Variants in CPNE9 observed in about 807,000 individuals in gnomAD.
CPNE9 encodes the protein copine family member 9, also known as copine-9.
In CPNE9, 59 loss-of-function variants were observed where a neutral mutation model predicts 83.0. That is an observed-to-expected ratio of 0.71 (90% CI 0.58 to 0.88). CPNE9 has a LOEUF of 0.88. CPNE9 is among the 40% of genes least tolerant of loss of function. The probability of loss-of-function intolerance (pLI) is 0.00; values close to 1 mark genes in which losing one functional copy is unlikely to be tolerated. For synonymous variants in CPNE9, 256 were observed against 273.4 expected, an observed-to-expected ratio of 0.94 and a Z score of 0.63; for missense variants, 619 against 720.8, an observed-to-expected ratio of 0.86 and a Z score of 1.62.
In CPNE9 at chr3:9,703,862, C is replaced by T. The variant is rs904844560; in HGVS notation, c.-135C>T. 23 of 571,018 alleles carry T rather than the reference C, an allele frequency of 4.0e-5. No homozygotes were observed. The highest frequency in any genetic ancestry group is 3.4e-4 in the African/African-American group (17 of 49,934). The allele number at this position is 571,018 out of a possible 1,614,324, so 35.4% of individuals were successfully genotyped here. Reference sequence around the variant, plus strand: ...TCAGGGCGCGAGCGGCTGGAGCGCACGCAGGGCTGGAGCGAGTGCAGCCGC... The same window carrying T: ...TCAGGGCGCGAGCGGCTGGAGCGCATGCAGGGCTGGAGCGAGTGCAGCCGC... On this transcript the variant is annotated 5_prime_UTR_variant, in exon 1 of 21. The change creates a new upstream start codon in the 5' untranslated region. Transcript: ENST00000383832.
At chr3:9,705,682 C>T (rs1220045999) in intron 5 of CPNE9, 36 bp from the exon 6 acceptor site, 2 of 1,613,836 alleles carry the variant, frequency 1.2e-6, no homozygotes, top group South Asian at 1.1e-5. Context: ...CTCACTGTTC[C>T]TCTTCCTTCT....
rs1008085287 is a variant in CPNE9 at position 9,704,474 on chromosome 3, G to A, written c.69-113G>A. Reference sequence around the variant, plus strand: ...GACCCCGGCTGGGGGTAGCCATGGGGGACAGAGGTTCGATGCGGGCCCCAT... The same window carrying A: ...GACCCCGGCTGGGGGTAGCCATGGGAGACAGAGGTTCGATGCGGGCCCCAT... On this transcript the variant is annotated intron_variant, in intron 1 of 20. Transcript: ENST00000383832. This position sits in a 1 kb window ranked among gnomAD's most constrained non-coding sequence, Gnocchi z 7.1. 2.2e-6 allele frequency: 2 copies of A among 907,160 alleles called. No homozygotes were observed. Among genetic ancestry groups the A allele is most frequent in the Non-Finnish European group, 3.7e-6 (2 of 536,670 alleles). 56.2% of individuals were successfully genotyped at this position (907,160 alleles called of 1,614,324 possible). A position where few individuals can be genotyped will look rare whatever the true frequency, so the allele number is the denominator to read the frequency against.
rs1372862042 is a variant in CPNE9 at position 9,705,776 on chromosome 3, C to G, written c.300+56C>G. ...GGGGTGGGGGTGGTATTGTGGAGAACAGGCTTGGACTGATGACCCACTACA... is the reference window on the plus strand; with the variant it reads ...GGGGTGGGGGTGGTATTGTGGAGAAGAGGCTTGGACTGATGACCCACTACA... On this transcript the variant is annotated intron_variant, in intron 6 of 20. Coordinates refer to ENST00000383832, the MANE Select transcript of CPNE9 (RefSeq NM_153635.3). 5 of 1,579,016 alleles carry G rather than the reference C, an allele frequency of 3.2e-6. No individual in the cohort carries two copies. The African/African-American group carries it at 6.7e-5, about 21-fold the overall frequency.
chr3:9,716,631 C>T (rs1036746485), intron 14 of CPNE9, among the ~76,000 whole-genome samples: 10 of 152,112 alleles, frequency 6.6e-5, no homozygotes, highest in African/African-American at 1.4e-4. Context: ...CCACCACGCC[C>T]GGCTAATTTT....
At chr3:9,709,580 G>A (rs1438136212) in intron 7 of CPNE9, among the ~76,000 whole-genome samples, 1 of 151,494 alleles carries the variant, frequency 6.6e-6, no homozygotes, top group Non-Finnish European at 1.5e-5. Flanking sequence ...ACCGTGGCCA[G>A]GCTGGTCTTG....
intron 17 of CPNE9, among the ~76,000 whole-genome samples, chr3:9,725,623 T>C (rs2076771363): frequency 2.0e-5 from 2 of 100,580 alleles, no homozygotes; most frequent in South Asian, 5.4e-4. Flanking sequence ...TACATGTGTA[T>C]ATATATGTAT....
chr3:9,708,624 G>A (rs886685224), intron 7 of CPNE9, among the ~76,000 whole-genome samples: 20 of 152,138 alleles, frequency 1.3e-4, no homozygotes, highest in Non-Finnish European at 2.8e-4. Flanking sequence ...ATGGAAGAGC[G>A]GGAAAGGAGT....
chr3:9,728,660 A>G (rs1160642479), intron 20 of CPNE9, among the ~76,000 whole-genome samples: 1 of 152,134 alleles, frequency 6.6e-6, no homozygotes, highest in Non-Finnish European at 1.5e-5. Flanking sequence ...ATAAAACATA[A>G]TTTTTTGAAA....
At chr3:9,716,137 C>A in intron 14 of CPNE9, 102 bp downstream of exon 14, 2 of 997,578 alleles carry the variant, frequency 2.0e-6, no homozygotes, top group Non-Finnish European at 3.0e-6. Context: ...CCCAGTGAGA[C>A]CATGGAGATA....
chr3:9,712,685 A>G (rs2125464892), intron 8 of CPNE9, 40 bp from the exon 9 acceptor site: 1 of 1,607,802 alleles, frequency 6.2e-7, no homozygotes, highest in East Asian at 2.2e-5. Context: ...AAGGCTATGG[A>G]CAATTGGGGT....
chr3:9,712,766 G>C lies in CPNE9; in HGVS notation c.483G>C (p.Lys161Asn). 6.2e-7 allele frequency: 1 copy of C among 1,614,172 alleles called. No homozygotes were observed. The highest frequency in any genetic ancestry group is 8.5e-7 in the Non-Finnish European group (1 of 1,180,028). ...AGCTGTGTGCAAACAAGCTGGACAA[G>C]AAGGACTTCTTTGGGAAATCAGACC... ...TMQLCANKLDKKDFFGKSDPF... is the reference protein window; with the variant it reads ...TMQLCANKLDNKDFFGKSDPF... The change falls in exon 9 of 21, where the codon AAG (lysine) becomes AAC (asparagine). Residue 161 changes from lysine (K) to asparagine (N), a missense_variant. Lys to Asn is a moderately conservative substitution (Grantham distance 94). This residue lies in a region of CPNE9 where 438 missense variants were observed against 562.9 expected (regional missense o/e 0.78). Coordinates refer to ENST00000383832, the MANE Select transcript of CPNE9 (RefSeq NM_153635.3).
intron 7 of CPNE9, among the ~76,000 whole-genome samples, chr3:9,712,319 C>T (rs551895749): frequency 6.6e-6 from 1 of 152,318 alleles, no homozygotes; most frequent in East Asian, 1.9e-4. Context: ...TCTCATGCTA[C>T]TGTTGTGAGA....
intron 5 of CPNE9, 29 bp downstream of exon 5, chr3:9,705,529 G>C (rs766523332): frequency 6.2e-7 from 1 of 1,607,706 alleles, no homozygotes; most frequent in Non-Finnish European, 8.5e-7. Context: ...GAGGGTTGGC[G>C]GAGCGCACAG....
Position 9,729,520 on chromosome 3 carries a change from G to C in CPNE9, c.1490G>C (p.Arg497Pro). 6.2e-7 allele frequency: 1 copy of C among 1,613,240 alleles called. No homozygotes were observed. Among genetic ancestry groups the C allele is most frequent in the Non-Finnish European group, 8.5e-7 (1 of 1,179,404 alleles). Residue 497 changes from arginine (R) to proline (P), a missense_variant, in exon 21 of 21, where the codon CGA (arginine) becomes CCA (proline). This residue lies in a region of CPNE9 where 438 missense variants were observed against 562.9 expected (regional missense o/e 0.78). Transcript: ENST00000383832. ...TGCCTGACCCAGTTCGTCCCATTCC[G>C]AGACTATGTTGACCGGTCGGGGAAC... ...ERDIVQFVPF[R>P]DYVDRSGNQV...
chr3:9,714,097 A>AATAG (rs397952181), intron 10 of CPNE9, among the ~76,000 whole-genome samples: 1 of 151,832 alleles, frequency 6.6e-6, no homozygotes, highest in African/African-American at 2.4e-5. Context: ...TAAATAAATA[A>AATAG]TAAAGATAGG....
intron 17 of CPNE9, among the ~76,000 whole-genome samples, chr3:9,722,164 C>A (rs112911342): frequency 3.3e-5 from 5 of 151,336 alleles, no homozygotes; most frequent in Admixed American, 1.3e-4. Context: ...TGATCCACCC[C>A]CCCCCGCCAC....
intron 17 of CPNE9, among the ~76,000 whole-genome samples, chr3:9,719,903 A>G (rs1295341192): frequency 2.6e-5 from 4 of 151,850 alleles, no homozygotes; most frequent in Admixed American, 1.3e-4. Context: ...GAGGCAGAGA[A>G]TTGCTTGAAC....
intron 14 of CPNE9, among the ~76,000 whole-genome samples, chr3:9,716,727 C>T (rs2076687105): frequency 6.6e-6 from 1 of 152,244 alleles, no homozygotes; most frequent in South Asian, 2.1e-4. Flanking sequence ...CCTCCTCAGC[C>T]TCCCAAAGTG....
In CPNE9 at chr3:9,710,580, G is replaced by C. The variant is rs57032958; in HGVS notation, c.378-1961G>C. ...AGTATGACTCTGAGGTAGCAATAAG[G>C]ACCCTCTTGAAGTCTGCATCATGCA... On this transcript the variant is annotated intron_variant, in intron 7 of 20. Coordinates refer to ENST00000383832, the MANE Select transcript of CPNE9 (RefSeq NM_153635.3). Among the ~76,000 whole-genome samples, 612 of 152,330 alleles carry C rather than the reference G, an allele frequency of 4.0e-3. 2 individuals are homozygous for C. The highest frequency in any genetic ancestry group is 0.014 in the African/African-American group (589 of 41,576).
Sources: allele counts gnomAD v4.1 joint callset (sites outside exome capture counted in the v4.1 genomes callset), GRCh38; gene constraint gnomAD v4.1.1; regional missense constraint gnomAD v4.1.1; non-coding constraint Gnocchi (gnomAD v3.1); transcripts MANE v1.5; gene names NCBI Gene and HGNC (gene_info 2026-07-23, HGNC 2026-07-21).